The following CACNA1C variants were observed in gnomAD, a reference collection of about 807,000 sequenced individuals.
CACNA1C encodes voltage-dependent L-type calcium channel subunit alpha-1C.
CACNA1C carries 30 observed loss-of-function variants against 229.0 expected under a neutral mutation model. The ratio of observed to expected loss-of-function variants is 0.13; its 90% CI spans 0.10 to 0.18. CACNA1C has a LOEUF of 0.18. Ranked by LOEUF, CACNA1C falls within the 10% of genes least tolerant of loss-of-function variation. The pLI, the probability that CACNA1C is intolerant of heterozygous loss-of-function variation, is 1.00. For synonymous variants in CACNA1C, 1,114 were observed against 1,132.5 expected (o/e 0.98, Z 0.33); for missense variants, 1,658 against 2,845.0 (o/e 0.58, Z 9.49).
chr12:2,194,255 C>A (rs1238788073), intron 3 of CACNA1C, among the ~76,000 whole-genome samples: 1 of 65,278 alleles, frequency 1.5e-5, no homozygotes, highest in African/African-American at 4.5e-5. Flanking sequence ...CCACTGCCTC[C>A]TCCTCCTCCT....
chr12:2,281,372 C>A (rs543380443), intron 3 of CACNA1C, among the ~76,000 whole-genome samples: 24 of 151,360 alleles, frequency 1.6e-4, no homozygotes, highest in Admixed American at 1.4e-3. Context: ...TTTCTGGTAC[C>A]CTTGATTCCT....
At chr12:2,581,257 C>T (rs1377422632) in intron 13 of CACNA1C, among the ~76,000 whole-genome samples, 1 of 152,218 alleles carries the variant, frequency 6.6e-6, no homozygotes, top group African/African-American at 2.4e-5. Context: ...AGGGCTACAA[C>T]AATCTCCATT....
chr12:2,239,307 A>C (rs1440848849), intron 3 of CACNA1C, among the ~76,000 whole-genome samples: 1 of 151,856 alleles, frequency 6.6e-6, no homozygotes, highest in African/African-American at 2.4e-5. Flanking sequence ...CACCTGAATG[A>C]CGGTGAGGGC....
Position 2,562,361 on chromosome 12 carries a change from G to A in CACNA1C, c.1509-4061G>A, listed in dbSNP as rs752737637. ...CTTGGACTCTGAATAACAATTATCA[G>A]TGATTTCTGGAACTTGAGACTGTAT... On this transcript the variant is annotated intron_variant, in intron 11 of 46. Transcript: ENST00000399655. Among the ~76,000 whole-genome samples, 54 of 152,240 alleles carry A rather than the reference G, an allele frequency of 3.5e-4. 1 individual carries two copies. The highest frequency in any genetic ancestry group is 3.7e-4 in the Non-Finnish European group (25 of 68,044).
intron 9 of CACNA1C, among the ~76,000 whole-genome samples, chr12:2,526,695 C>T (rs1403525423): frequency 6.6e-6 from 1 of 152,214 alleles, no homozygotes; most frequent in African/African-American, 2.4e-5. Flanking sequence ...CTAAACACAG[C>T]CCATGAATGA....
chr12:2,688,984 T>TA (rs2097669904), intron 46 of CACNA1C, among the ~76,000 whole-genome samples: 1 of 152,176 alleles, frequency 6.6e-6, no homozygotes, highest in Non-Finnish European at 1.5e-5. Flanking sequence ...CTCTTGAGGC[T>TA]GGGCCCACTG....
At chr12:2,210,948 C>T (rs1041579235) in intron 3 of CACNA1C, among the ~76,000 whole-genome samples, 5 of 152,078 alleles carry the variant, frequency 3.3e-5, no homozygotes, top group African/African-American at 1.2e-4. Flanking sequence ...GGTGGGCAAG[C>T]TGGGATTATG....
Position 2,550,007 on chromosome 12 carries a change from G to C in CACNA1C, c.1455G>C (p.Glu485Asp), listed in dbSNP as rs766606659. Reference sequence around the variant, plus strand: ...AAAACGTGGCTGGAGGTGACATCGAGGGAGAAAACTGCGGGGCCAGGCTGG... The same window carrying C: ...AAAACGTGGCTGGAGGTGACATCGACGGAGAAAACTGCGGGGCCAGGCTGG... The part of the protein sequence containing the change: ...NTENVAGGDI[E>D]GENCGARLAH... Residue 485 changes from glutamate (E) to aspartate (D), a missense_variant, in exon 10 of 47, where the codon GAG (glutamate) becomes GAC (aspartate). By Grantham distance (45) the Glu-to-Asp change is conservative. Transcript: ENST00000399655. 3.7e-6 allele frequency: 6 copies of C among 1,607,504 alleles called. No homozygotes were observed. In the South Asian group the frequency reaches 6.7e-5, roughly 18 times the overall value.
upstream of CACNA1C, chr12:2,048,224 A>G (rs552087279): frequency 6.6e-6 from 1 of 152,374 alleles, no homozygotes; most frequent in African/African-American, 2.4e-5. Context: ...GTTCCAGCTT[A>G]GTGAAGTTGA....
chr12:2,397,515 C>T (rs1342785792), intron 3 of CACNA1C, among the ~76,000 whole-genome samples: 2 of 152,256 alleles, frequency 1.3e-5, no homozygotes, highest in South Asian at 2.1e-4. Context: ...TACATTCAGA[C>T]TCTCATTGCT....
intron 1 of CACNA1C, among the ~76,000 whole-genome samples, chr12:1,993,750 C>CT (rs2040112277): frequency 1.3e-5 from 2 of 151,716 alleles, no homozygotes; most frequent in Non-Finnish European, 2.9e-5. Flanking sequence ...TTAAAGAATA[C>CT]TTTTTAAAAG....
chr12:2,241,083 G>A (rs1360858032), intron 3 of CACNA1C, among the ~76,000 whole-genome samples: 4 of 152,086 alleles, frequency 2.6e-5, no homozygotes, highest in African/African-American at 9.7e-5. Context: ...GGTGAGGGGG[G>A]TGGGAAGAGG....
intron 3 of CACNA1C, among the ~76,000 whole-genome samples, chr12:2,218,620 G>A (rs2060606240): frequency 6.6e-6 from 1 of 152,194 alleles, no homozygotes; most frequent in Admixed American, 6.5e-5. Context: ...TGGCAATGCT[G>A]GGGAGGGAAA....
At chr12:1,999,585 G>C (rs981462882) in intron 1 of CACNA1C, among the ~76,000 whole-genome samples, 1 of 151,994 alleles carries the variant, frequency 6.6e-6, no homozygotes, top group Non-Finnish European at 1.5e-5. Flanking sequence ...AATTAGCCAG[G>C]TGTGGTGGCA....
At chr12:2,425,982 A>C (rs1218668836) in intron 3 of CACNA1C, among the ~76,000 whole-genome samples, 1 of 152,082 alleles carries the variant, frequency 6.6e-6, no homozygotes, top group Non-Finnish European at 1.5e-5. Flanking sequence ...TGTTGGGGGA[A>C]CAGATGACTA....
rs868700150 is a variant in CACNA1C at position 2,138,431 on chromosome 12, G to A, written c.477+18001G>A. 5.3e-5 allele frequency among the ~76,000 whole-genome samples: 8 copies of A among 151,154 alleles called. 1 individual carries two copies. The highest frequency in any genetic ancestry group is 3.4e-3 in the Middle Eastern group (1 of 294). On this transcript the variant is annotated intron_variant, in intron 3 of 46. Coordinates refer to ENST00000399655, the MANE Select transcript of CACNA1C (RefSeq NM_000719.7). ...TATGCTTGAGGGCTGGGCTGTGTAC[G>A]CAGCTCACAGTGTGGAGGTGCTTGA...
intron 3 of CACNA1C, among the ~76,000 whole-genome samples, chr12:2,200,065 T>G (rs1185369869): frequency 6.6e-6 from 1 of 152,222 alleles, no homozygotes; most frequent in African/African-American, 2.4e-5. Context: ...CTCTGCCGTA[T>G]CCTTAGCACT....
At chr12:2,565,846 A>T (rs1322577093) in intron 11 of CACNA1C, among the ~76,000 whole-genome samples, 2 of 152,248 alleles carry the variant, frequency 1.3e-5, no homozygotes, top group African/African-American at 4.8e-5. Context: ...TGGCACACAC[A>T]GTCAGGGCCA....
chr12:2,518,121 C>CAG (rs1415118375), intron 9 of CACNA1C, among the ~76,000 whole-genome samples: 1 of 152,188 alleles, frequency 6.6e-6, no homozygotes, highest in Non-Finnish European at 1.5e-5. Context: ...CACCAGCTAG[C>CAG]AGAGCCACGT....
Sources: allele counts gnomAD v4.1 joint callset (sites outside exome capture counted in the v4.1 genomes callset), GRCh38; gene constraint gnomAD v4.1.1; transcripts MANE v1.5; gene names NCBI Gene and HGNC (gene_info 2026-07-23, HGNC 2026-07-21).